Variants in CCBE1 observed in about 807,000 individuals in gnomAD.
The protein encoded by CCBE1 is collagen and calcium-binding EGF domain-containing protein 1.
In CCBE1, 37 loss-of-function variants were observed where a neutral mutation model predicts 50.0. The ratio of observed to expected loss-of-function variants is 0.74; its 90% CI spans 0.57 to 0.97. The LOEUF is 0.97. Ranked by LOEUF, CCBE1 falls within the 50% of genes least tolerant of loss-of-function variation. The pLI is 0.00. For synonymous variants in CCBE1, 234 were observed against 203.7 expected, an observed-to-expected ratio of 1.15 and a Z score of -1.27; for missense variants, 538 against 523.8, an observed-to-expected ratio of 1.03 and a Z score of -0.26.
intron 2 of CCBE1, among the ~76,000 whole-genome samples, chr18:59,579,433 C>G (rs6567105): frequency 0.013 from 1,925 of 152,170 alleles, 35 homozygotes; most frequent in African/African-American, 0.043. Context: ...CGTCCCAGCC[C>G]CAGACACTCT....
At chr18:59,445,777 T>C (rs1167927260) in intron 7 of CCBE1, among the ~76,000 whole-genome samples, 1 of 152,156 alleles carries the variant, frequency 6.6e-6, no homozygotes, top group African/African-American at 2.4e-5. Flanking sequence ...AGATAATATC[T>C]CACCCACATT....
intron 5 of CCBE1, 144 bp from the exon 6 acceptor site, chr18:59,455,095 T>C: frequency 1.4e-6 from 1 of 715,704 alleles, no homozygotes. Flanking sequence ...ATTTTACAGC[T>C]CTCAGGTCCT....
At chr18:59,649,807 T>A (rs1202494906) in intron 2 of CCBE1, among the ~76,000 whole-genome samples, 4 of 152,208 alleles carry the variant, frequency 2.6e-5, no homozygotes, top group African/African-American at 9.6e-5. Flanking sequence ...CTCACAGAGC[T>A]CATGTTACGG....
At chr18:59,584,841 G>A (rs2053154655) in intron 2 of CCBE1, among the ~76,000 whole-genome samples, 1 of 152,112 alleles carries the variant, frequency 6.6e-6, no homozygotes, top group Non-Finnish European at 1.5e-5. Context: ...CCAGTCTCAG[G>A]TATTTCTTAA....
At chr18:59,581,339 G>T (rs1599032447) in intron 2 of CCBE1, among the ~76,000 whole-genome samples, 1 of 151,842 alleles carries the variant, frequency 6.6e-6, no homozygotes, top group Non-Finnish European at 1.5e-5. Flanking sequence ...TACTCAGGAG[G>T]CTGAGGCAGG....
rs531014980 is a variant in CCBE1, at chr18:59,507,509, T to G, written c.213-27271A>C. 4.6e-5 allele frequency among the ~76,000 whole-genome samples: 7 copies of G among 152,338 alleles called. No homozygotes were observed. The East Asian group carries it at 1.3e-3, about 29-fold the overall frequency. On this transcript the variant is annotated intron_variant, in intron 2 of 10. Coordinates refer to ENST00000439986, the MANE Select transcript of CCBE1 (RefSeq NM_133459.4). ...CTGCCTCATGTTCTTCCTTGTCAGA[T>G]CCGCCACCCTCTGTCTGGCTTCTGA...
At chr18:59,513,386 C>T (rs55778898) in intron 2 of CCBE1, among the ~76,000 whole-genome samples, 44,530 of 152,170 alleles carry the variant, frequency 0.29, 8,024 homozygotes, top group Non-Finnish European at 0.41. Flanking sequence ...GTAATCCAGG[C>T]CCCAAAGGAG....
chr18:59,488,270 G>A (rs1254394131), intron 2 of CCBE1, among the ~76,000 whole-genome samples: 1 of 152,200 alleles, frequency 6.6e-6, no homozygotes, highest in Non-Finnish European at 1.5e-5. Flanking sequence ...GGATGGTGGT[G>A]ATGGATGCAG....
At chr18:59,506,988 T>C (rs1321015439) in intron 2 of CCBE1, among the ~76,000 whole-genome samples, 2 of 152,168 alleles carry the variant, frequency 1.3e-5, no homozygotes, top group Non-Finnish European at 2.9e-5. Context: ...ACTCTTTCCT[T>C]CTGTCTCCAT....
At chr18:59,444,361 C>A (rs1372292663) in intron 7 of CCBE1, among the ~76,000 whole-genome samples, 2 of 152,162 alleles carry the variant, frequency 1.3e-5, no homozygotes, top group Non-Finnish European at 2.9e-5. Context: ...TGGCCTCGAA[C>A]TCCTGAGCCC....
chr18:59,542,243 G>A (rs1456434220), intron 2 of CCBE1, among the ~76,000 whole-genome samples: 1 of 107,238 alleles, frequency 9.3e-6, no homozygotes, highest in Non-Finnish European at 2.0e-5. Flanking sequence ...AGTGCTGCCT[G>A]GGTGCCCTAT....
At chr18:59,502,349 T>C (rs1913661384) in intron 2 of CCBE1, among the ~76,000 whole-genome samples, 1 of 152,186 alleles carries the variant, frequency 6.6e-6, no homozygotes, top group Non-Finnish European at 1.5e-5. Flanking sequence ...TTTGCTTTTT[T>C]GTGTGTGAGG....
rs764676830 is a variant in CCBE1 at position 59,454,872 on chromosome 18, G to A, written c.633C>T (p.Thr211=). 15 of 1,614,000 alleles carry A rather than the reference G, an allele frequency of 9.3e-6. No homozygotes were observed. Among genetic ancestry groups the A allele is most frequent in the Admixed American group, 6.7e-5 (4 of 60,010 alleles). The part of the protein sequence containing the change: ...TCKEFYQMKQ[T]VLQLKQKIAL... ...GTACCTTTTGCTTCAGCTGCAGCAC[G>A]GTCTGCTTCATCTGGTAGAACTCCT... The change falls in exon 6 of 11, where the codon ACC becomes ACT. Residue 211 remains threonine (T), a synonymous_variant. Coordinates refer to ENST00000439986, the MANE Select transcript of CCBE1 (RefSeq NM_133459.4).
At chr18:59,598,259 A>G (rs2053382998) in intron 2 of CCBE1, among the ~76,000 whole-genome samples, 1 of 152,168 alleles carries the variant, frequency 6.6e-6, no homozygotes, top group Non-Finnish European at 1.5e-5. Context: ...AGTTGCCAAA[A>G]TGTCCCTTCA....
chr18:59,693,863 C>A (rs887803191), intron 2 of CCBE1, among the ~76,000 whole-genome samples: 7 of 90,138 alleles, frequency 7.8e-5, no homozygotes, highest in African/African-American at 3.0e-4. Context: ...TAAAGGAAAG[C>A]CTTTTTTTTT....
intron 2 of CCBE1, among the ~76,000 whole-genome samples, chr18:59,609,727 G>T (rs899803864): frequency 6.6e-6 from 1 of 152,152 alleles, no homozygotes; most frequent in African/African-American, 2.4e-5. Flanking sequence ...TATTTGAAAA[G>T]GCATTTTCTA....
intron 2 of CCBE1, among the ~76,000 whole-genome samples, chr18:59,493,130 A>C (rs1913187892): frequency 6.6e-6 from 1 of 152,220 alleles, no homozygotes; most frequent in Admixed American, 6.5e-5. Flanking sequence ...TGAGAAATTA[A>C]TGGGACAGTC....
chr18:59,685,025 TCA>T (rs1386665146), intron 2 of CCBE1, among the ~76,000 whole-genome samples: 1 of 152,168 alleles, frequency 6.6e-6, no homozygotes, highest in African/African-American at 2.4e-5. Context: ...TGTTTGATAC[TCA>T]CAAGGAAAGA....
intron 2 of CCBE1, among the ~76,000 whole-genome samples, chr18:59,620,875 T>C (rs2053702174): frequency 1.3e-5 from 2 of 152,162 alleles, no homozygotes; most frequent in Admixed American, 6.5e-5. Flanking sequence ...CTAATACAGG[T>C]GCCAAATGGG....
Sources: allele counts gnomAD v4.1 joint callset (sites outside exome capture counted in the v4.1 genomes callset), GRCh38; gene constraint gnomAD v4.1.1; transcripts MANE v1.5; gene names NCBI Gene and HGNC (gene_info 2026-07-23, HGNC 2026-07-21).